SPRYD4: variants seen among roughly 807,000 people sequenced by gnomAD.
SPRYD4 encodes SPRY domain-containing protein 4.
In SPRYD4, 12 loss-of-function variants were observed where a neutral mutation model predicts 16.6. The ratio of observed to expected loss-of-function variants is 0.72; its 90% CI spans 0.46 to 1.17. The LOEUF (loss-of-function observed/expected upper bound fraction) is 1.17. SPRYD4 is among the 50% of genes most tolerant of loss of function. SPRYD4 has a pLI of 0.00. For synonymous variants in SPRYD4, 98 were observed against 105.4 expected, an observed-to-expected ratio of 0.93 and a Z score of 0.43; for missense variants, 260 against 260.2, an observed-to-expected ratio of 1.00 and a Z score of 0.00.
Position 56,479,279 on chromosome 12 carries a change from T to C in SPRYD4, c.*9702T>C. ...TGGGAATAAAGAAGGTTGAGTGGTC[T>C]TCAGGTTTGGGATCAACAGCTCTGT... On this transcript the variant is annotated 3_prime_UTR_variant, in exon 2 of 2. Transcript: ENST00000338146. The C allele has an allele frequency of 6.7e-7, 1 of 1,485,022 alleles. No individual in the cohort carries two copies. The highest frequency in any genetic ancestry group is 9.0e-7 in the Non-Finnish European group (1 of 1,111,950). The allele number at this position is 1,485,022 out of a possible 1,614,324, so 92.0% of individuals were successfully genotyped here.
At position 56,476,083 on chromosome 12, in the gene SPRYD4, G is replaced by C; in HGVS notation, c.*6506G>C. ...CTAGTGTTAGTCTGGTCCTGCTGCT[G>C]CAAATGTGTTCAATTTTATAATGGC... is the stretch of plus-strand genomic sequence containing the variant. On this transcript the variant is annotated 3_prime_UTR_variant, in exon 2 of 2. Coordinates refer to ENST00000338146, the MANE Select transcript of SPRYD4 (RefSeq NM_207344.4). 9.4e-7 allele frequency: 1 copy of C among 1,069,372 alleles called. No individual in the cohort carries two copies. Among genetic ancestry groups the C allele is most frequent in the Non-Finnish European group, 1.4e-6 (1 of 711,314 alleles). 66.2% of individuals were successfully genotyped at this position (1,069,372 alleles called of 1,614,324 possible).
rs1179465965 is a variant in SPRYD4 at position 56,474,662 on chromosome 12, T to C, written c.*5085T>C. ...GCCTGTGATGGGGCAGATCCCACCG[T>C]TGGCGAGGGTGGCTGCCATGACACT... On this transcript the variant is annotated 3_prime_UTR_variant, in exon 2 of 2. Coordinates refer to ENST00000338146, the MANE Select transcript of SPRYD4 (RefSeq NM_207344.4). 1.2e-6 allele frequency: 2 copies of C among 1,613,644 alleles called. No homozygotes were observed. Among genetic ancestry groups the C allele is most frequent in the East Asian group, 2.2e-5 (1 of 44,892 alleles).
rs1401651979 is a variant in SPRYD4, at chr12:56,478,036, G to A, written c.*8459G>A. The A allele has an allele frequency of 1.1e-5, 18 of 1,614,138 alleles. No homozygotes were observed. The highest frequency in any genetic ancestry group is 2.7e-5 in the African/African-American group (2 of 74,942). The stretch of plus-strand genomic sequence containing the variant: ...CTAGGGTGCTTATGGAGATGGCATA[G>A]GTGAGGGGCTTCACACAGGACTGCA... On this transcript the variant is annotated 3_prime_UTR_variant, in exon 2 of 2. Transcript: ENST00000338146.
rs909343923 is a variant in SPRYD4 at position 56,470,562 on chromosome 12, T to G, written c.*985T>G. 6.6e-6 allele frequency: 1 copy of G among 152,206 alleles called. No homozygotes were observed. Among genetic ancestry groups the G allele is most frequent in the Admixed American group, 6.6e-5 (1 of 15,246 alleles). The allele number at this position is 152,206 out of a possible 1,614,324, so 9.4% of individuals were successfully genotyped here. On this transcript the variant is annotated 3_prime_UTR_variant, in exon 2 of 2. Coordinates refer to ENST00000338146, the MANE Select transcript of SPRYD4 (RefSeq NM_207344.4). Reference sequence around the variant, plus strand: ...CTGGTCTCGAACTCCTGGCCTCATGTGATCAGCCCACCTTGGCCTCCCAAA... The same window carrying G: ...CTGGTCTCGAACTCCTGGCCTCATGGGATCAGCCCACCTTGGCCTCCCAAA...
Position 56,475,501 on chromosome 12 carries a change from G to A in SPRYD4, c.*5924G>A, listed in dbSNP as rs143700430. The A allele has an allele frequency of 3.9e-6, 4 of 1,013,578 alleles. No homozygotes were observed. The East Asian group carries it at 7.3e-5, about 18-fold the overall frequency. The allele number at this position is 1,013,578 out of a possible 1,614,324, so 62.8% of individuals were successfully genotyped here. The stretch of plus-strand genomic sequence containing the variant: ...GAAGGGACTCAGAGGAAGCTGGAGG[G>A]CCAAAGTTCCCCTGGGATTTCTTCC... On this transcript the variant is annotated 3_prime_UTR_variant, in exon 2 of 2. Transcript: ENST00000338146.
At position 56,473,722 on chromosome 12, in the gene SPRYD4, T is replaced by C. The variant is rs1411917824; in HGVS notation, c.*4145T>C. ...CCACAATCCACCTCAACCTTTTGGC[T>C]TGTTAATTAGCTTCTTTTATTACTC... On this transcript the variant is annotated 3_prime_UTR_variant, in exon 2 of 2. Coordinates refer to ENST00000338146, the MANE Select transcript of SPRYD4 (RefSeq NM_207344.4). 1 of 1,161,052 alleles carries C rather than the reference T, an allele frequency of 8.6e-7. No homozygotes were observed. The highest frequency in any genetic ancestry group is 1.6e-5 in the African/African-American group (1 of 64,242). The allele number at this position is 1,161,052 out of a possible 1,614,324, so 71.9% of individuals were successfully genotyped here.
chr12:56,473,791 A>AT lies in SPRYD4; in HGVS notation c.*4220dup, dbSNP rs1245788502. On this transcript the variant is annotated 3_prime_UTR_variant, in exon 2 of 2. Transcript: ENST00000338146. ...AAATTCATTGATTCAGCTAGAAAAT[A>AT]TTTTTTGAAATACTTACAGCATTCT... 6.4e-6 allele frequency: 4 copies of AT among 625,564 alleles called. No individual in the cohort carries two copies. The highest frequency in any genetic ancestry group is 1.0e-5 in the Non-Finnish European group (4 of 391,204). The allele number at this position is 625,564 out of a possible 1,614,324, so 38.8% of individuals were successfully genotyped here.
rs1869783461 is a variant in SPRYD4 at position 56,476,095 on chromosome 12, A to G, written c.*6518A>G. The G allele has an allele frequency of 2.2e-6, 2 of 890,518 alleles. No individual in the cohort carries two copies. The highest frequency in any genetic ancestry group is 3.6e-6 in the Non-Finnish European group (2 of 559,724). The allele number at this position is 890,518 out of a possible 1,614,324, so 55.2% of individuals were successfully genotyped here. ...TGGTCCTGCTGCTGCAAATGTGTTCAATTTTATAATGGCCCTTTTTTTATC... is the reference window on the plus strand; with the variant it reads ...TGGTCCTGCTGCTGCAAATGTGTTCGATTTTATAATGGCCCTTTTTTTATC... On this transcript the variant is annotated 3_prime_UTR_variant, in exon 2 of 2. Coordinates refer to ENST00000338146, the MANE Select transcript of SPRYD4 (RefSeq NM_207344.4).
rs1870037940 is a variant in SPRYD4, at chr12:56,478,705, AG to A, written c.*9130del. The A allele has an allele frequency of 3.8e-6, 1 of 262,066 alleles. No individual in the cohort carries two copies. The highest frequency in any genetic ancestry group is 2.2e-5 in the African/African-American group (1 of 44,468). The allele number at this position is 262,066 out of a possible 1,614,324, so 16.2% of individuals were successfully genotyped here. A position where few individuals can be genotyped will look rare whatever the true frequency, so the allele number is the denominator to read the frequency against. On this transcript the variant is annotated 3_prime_UTR_variant, in exon 2 of 2. Transcript: ENST00000338146. ...AGCCCCAGGAAATCTCTGAGAAGCG[AG>A]GTATATCTAGGTGTGGTGGCTCATG... is the stretch of plus-strand genomic sequence containing the variant.
Position 56,472,919 on chromosome 12 carries a change from G to A in SPRYD4, c.*3342G>A, listed in dbSNP as rs1869429777. On this transcript the variant is annotated 3_prime_UTR_variant, in exon 2 of 2. Transcript: ENST00000338146. Reference sequence around the variant, plus strand: ...TTTTTTTTTTTTGAGACGGAGTCTCGCTCTGTCGTTCAGGCTGAAGTGTAG... The same window carrying A: ...TTTTTTTTTTTTGAGACGGAGTCTCACTCTGTCGTTCAGGCTGAAGTGTAG... 5.1e-6 allele frequency: 3 copies of A among 592,580 alleles called. No homozygotes were observed. The highest frequency in any genetic ancestry group is 3.1e-5 in the East Asian group (1 of 32,432). The allele number at this position is 592,580 out of a possible 1,614,324, so 36.7% of individuals were successfully genotyped here. A position where few individuals can be genotyped will look rare whatever the true frequency, so the allele number is the denominator to read the frequency against.
At position 56,478,355 on chromosome 12, in the gene SPRYD4, TA is replaced by T. The variant is rs1870007990; in HGVS notation, c.*8782del. On this transcript the variant is annotated 3_prime_UTR_variant, in exon 2 of 2. Transcript: ENST00000338146. ...TCAAGAGAATCTTTTAGATAAAAGC[TA>T]AAATTCTGTCTTCTATAGGGCAGAG... The T allele has an allele frequency of 1.2e-5, 16 of 1,358,268 alleles. No homozygotes were observed. The highest frequency in any genetic ancestry group is 3.9e-5 in the Admixed American group (2 of 51,920). The allele number at this position is 1,358,268 out of a possible 1,614,324, so 84.1% of individuals were successfully genotyped here.
Position 56,474,951 on chromosome 12 carries a change from TGTCAGG to T in SPRYD4, c.*5378_*5383del. 1 of 1,613,856 alleles carries T rather than the reference TGTCAGG, an allele frequency of 6.2e-7. No homozygotes were observed. Among genetic ancestry groups the T allele is most frequent in the Non-Finnish European group, 8.5e-7 (1 of 1,179,924 alleles). ...CTTCAGGACATCAGCCCTTTCACAC[TGTCAGG>T]GTCTCAGCTGAAGCCCCCAACCCCT... is the stretch of plus-strand genomic sequence containing the variant. On this transcript the variant is annotated 3_prime_UTR_variant, in exon 2 of 2. Coordinates refer to ENST00000338146, the MANE Select transcript of SPRYD4 (RefSeq NM_207344.4).
chr12:56,473,713 C>A lies in SPRYD4; in HGVS notation c.*4136C>A. On this transcript the variant is annotated 3_prime_UTR_variant, in exon 2 of 2. Coordinates refer to ENST00000338146, the MANE Select transcript of SPRYD4 (RefSeq NM_207344.4). ...ACTGCATGACCACAATCCACCTCAA[C>A]CTTTTGGCTTGTTAATTAGCTTCTT... The A allele has an allele frequency of 7.8e-7, 1 of 1,283,964 alleles. No individual in the cohort carries two copies. Among genetic ancestry groups the A allele is most frequent in the Non-Finnish European group, 1.0e-6 (1 of 959,706 alleles). 79.5% of individuals were successfully genotyped at this position (1,283,964 alleles called of 1,614,324 possible).
Position 56,474,381 on chromosome 12 carries a change from G to T in SPRYD4, c.*4804G>T, listed in dbSNP as rs1869600583. 2.5e-6 allele frequency: 2 copies of T among 787,468 alleles called. No homozygotes were observed. Among genetic ancestry groups the T allele is most frequent in the Non-Finnish European group, 4.0e-6 (2 of 502,764 alleles). 48.8% of individuals were successfully genotyped at this position (787,468 alleles called of 1,614,324 possible). On this transcript the variant is annotated 3_prime_UTR_variant, in exon 2 of 2. Coordinates refer to ENST00000338146, the MANE Select transcript of SPRYD4 (RefSeq NM_207344.4). Reference sequence around the variant, plus strand: ...TCTCTTTATATATTCGAGGAACTTGGTGTTTTTGAGAAACTCGTCTAAGGA... The same window carrying T: ...TCTCTTTATATATTCGAGGAACTTGTTGTTTTTGAGAAACTCGTCTAAGGA...
At position 56,479,225 on chromosome 12, in the gene SPRYD4, G is replaced by A. The variant is rs764062797; in HGVS notation, c.*9648G>A. The A allele has an allele frequency of 6.2e-7, 1 of 1,604,814 alleles. No homozygotes were observed. The highest frequency in any genetic ancestry group is 1.7e-5 in the Admixed American group (1 of 59,734). On this transcript the variant is annotated 3_prime_UTR_variant, in exon 2 of 2. Coordinates refer to ENST00000338146, the MANE Select transcript of SPRYD4 (RefSeq NM_207344.4). ...TGGATTAGGGGGCTAGAGAAATGCA[G>A]CTGGGACTCACTCTGGAGCCACGGA...
At position 56,469,395 on chromosome 12, in the gene SPRYD4, C is replaced by T; in HGVS notation, c.442C>T (p.Pro148Ser). The T allele has an allele frequency of 6.2e-7, 1 of 1,614,040 alleles. No individual in the cohort carries two copies. Among genetic ancestry groups the T allele is most frequent in the Admixed American group, 1.7e-5 (1 of 60,008 alleles). Residue 148 changes from proline to serine, a missense_variant, in exon 2 of 2, where the codon CCA (proline) becomes TCA (serine). Transcript: ENST00000338146. ...EKAPVEGIGQ[P>S]EKVGLLLEYE... ...AGCCCCAGTTGAGGGTATTGGGCAG[C>T]CAGAGAAGGTGGGGCTGTTGCTGGA...
chr12:56,471,556 T>G lies in SPRYD4; in HGVS notation c.*1979T>G, dbSNP rs562471658. ...CTGCCTCAGCCTGAGTTTCAGAGAG[T>G]GTGTAGGAGTCCTGGTAATCTTGAA... On this transcript the variant is annotated 3_prime_UTR_variant, in exon 2 of 2. Transcript: ENST00000338146. The G allele has an allele frequency of 6.2e-7, 1 of 1,613,876 alleles. No homozygotes were observed. The highest frequency in any genetic ancestry group is 2.2e-5 in the East Asian group (1 of 44,866).
In SPRYD4 at chr12:56,479,392, T is replaced by C; in HGVS notation, c.*9815T>C. On this transcript the variant is annotated 3_prime_UTR_variant, in exon 2 of 2. Coordinates refer to ENST00000338146, the MANE Select transcript of SPRYD4 (RefSeq NM_207344.4). ...TTTAATGATGTGGAAAGACACTATG[T>C]CTTGGGATATGAGAAAAAAAATAAA... 1 of 535,080 alleles carries C rather than the reference T, an allele frequency of 1.9e-6. No homozygotes were observed. The highest frequency in any genetic ancestry group is 3.7e-5 in the Admixed American group (1 of 27,308). 33.1% of individuals were successfully genotyped at this position (535,080 alleles called of 1,614,324 possible). A position where few individuals can be genotyped will look rare whatever the true frequency, so the allele number is the denominator to read the frequency against.
Position 56,475,539 on chromosome 12 carries a change from C to T in SPRYD4, c.*5962C>T. Reference sequence around the variant, plus strand: ...TGGGATTTCTTCCTCCTAAGATTCTCTCTCCCCCATTCCTCTTGTCCCCAT... The same window carrying T: ...TGGGATTTCTTCCTCCTAAGATTCTTTCTCCCCCATTCCTCTTGTCCCCAT... On this transcript the variant is annotated 3_prime_UTR_variant, in exon 2 of 2. Transcript: ENST00000338146. 3.6e-6 allele frequency: 5 copies of T among 1,390,082 alleles called. No individual in the cohort carries two copies. Among genetic ancestry groups the T allele is most frequent in the Middle Eastern group, 1.8e-4 (1 of 5,516 alleles). The allele number at this position is 1,390,082 out of a possible 1,614,324, so 86.1% of individuals were successfully genotyped here.
Sources: gnomAD v4.1 joint callset for allele counts on GRCh38, gnomAD v4.1.1 for gene constraint, MANE v1.5 for transcripts, NCBI Gene and HGNC (gene_info 2026-07-23, HGNC 2026-07-21) for gene names.